The following UBE2G1 variants were observed in gnomAD, a reference collection of about 807,000 sequenced individuals.
The protein encoded by UBE2G1 is ubiquitin-conjugating enzyme E2 G1.
Under a neutral mutation model 22.7 loss-of-function variants are expected in UBE2G1, and 5 were observed. That is an observed-to-expected ratio of 0.22 (90% CI 0.12 to 0.46). UBE2G1 has a LOEUF of 0.46. Ranked by LOEUF, UBE2G1 falls within the 20% of genes least tolerant of loss-of-function variation. The pLI is 0.99. For missense variants in UBE2G1, 88 were observed against 203.9 expected, an observed-to-expected ratio of 0.43 and a Z score of 3.46; for synonymous variants, 74 against 67.5, an observed-to-expected ratio of 1.10 and a Z score of -0.47.
intron 3 of UBE2G1, among the ~76,000 whole-genome samples, chr17:4,293,216 A>G (rs1156946080): frequency 6.6e-6 from 1 of 152,214 alleles, no homozygotes; most frequent in East Asian, 1.9e-4. Flanking sequence ...TTGACATTTC[A>G]TATAAAGGGA....
intron 4 of UBE2G1, among the ~76,000 whole-genome samples, chr17:4,284,498 G>A (rs1968934944): frequency 6.6e-6 from 1 of 151,582 alleles, no homozygotes; most frequent in African/African-American, 2.4e-5. Context: ...TTACTCAGGA[G>A]GCTGAGGTGA....
At chr17:4,279,989 T>G (rs1451463763) in intron 5 of UBE2G1, among the ~76,000 whole-genome samples, 2 of 151,016 alleles carry the variant, frequency 1.3e-5, no homozygotes, top group Admixed American at 6.6e-5. Context: ...CACTGGTAAC[T>G]AGGGCAATTC....
chr17:4,347,261 G>A (rs1969788412), intron 1 of UBE2G1, among the ~76,000 whole-genome samples: 1 of 152,040 alleles, frequency 6.6e-6, no homozygotes, highest in Non-Finnish European at 1.5e-5. Context: ...CACATAATGA[G>A]ACATCCTGGA....
intron 1 of UBE2G1, among the ~76,000 whole-genome samples, chr17:4,327,867 C>A (rs1263830508): frequency 6.6e-6 from 1 of 152,158 alleles, no homozygotes; most frequent in Non-Finnish European, 1.5e-5. Context: ...ACTCAGCAGC[C>A]ACACCCGCCA....
In UBE2G1 at chr17:4,301,246, T is replaced by C. The variant is rs1003083683; in HGVS notation, c.150-4432A>G. ...TTATTCTATGATAGTCAGAATCACA[T>C]AGTCATGTGATCACTGACTTGGCTG... On this transcript the variant is annotated intron_variant, in intron 2 of 5. Coordinates refer to ENST00000396981, the MANE Select transcript of UBE2G1 (RefSeq NM_003342.5). 8 of 367,040 alleles carry C rather than the reference T, an allele frequency of 2.2e-5. No homozygotes were observed. In the Admixed American group the frequency reaches 2.6e-4, roughly 12 times the overall value. The allele number at this position is 367,040 out of a possible 1,614,324, so 22.7% of individuals were successfully genotyped here. A position where few individuals can be genotyped will look rare whatever the true frequency, so the allele number is the denominator to read the frequency against.
chr17:4,361,383 T>C (rs1969965032), intron 1 of UBE2G1, among the ~76,000 whole-genome samples: 1 of 151,626 alleles, frequency 6.6e-6, no homozygotes, highest in African/African-American at 2.4e-5. Flanking sequence ...AAAAATTAGC[T>C]GGGCATGGTG....
intron 1 of UBE2G1, among the ~76,000 whole-genome samples, chr17:4,362,272 T>C (rs1393400986): frequency 2.0e-5 from 3 of 152,178 alleles, no homozygotes; most frequent in African/African-American, 7.2e-5. Context: ...TAGGTGTCTT[T>C]ATTTGCTTAA....
At chr17:4,361,731 G>A (rs1047478612) in intron 1 of UBE2G1, among the ~76,000 whole-genome samples, 2 of 151,768 alleles carry the variant, frequency 1.3e-5, no homozygotes, top group African/African-American at 4.8e-5. Flanking sequence ...CTGAGATCAG[G>A]AGTTCAAGAC....
At chr17:4,313,584 G>T (rs1969335246) in intron 1 of UBE2G1, among the ~76,000 whole-genome samples, 1 of 151,986 alleles carries the variant, frequency 6.6e-6, no homozygotes, top group Non-Finnish European at 1.5e-5. Context: ...TCTAAAGGAG[G>T]CAAAACTAAC....
At chr17:4,316,549 A>G (rs1268457398) in intron 1 of UBE2G1, among the ~76,000 whole-genome samples, 1 of 152,156 alleles carries the variant, frequency 6.6e-6, no homozygotes, top group African/African-American at 2.4e-5. Flanking sequence ...AGCAATCACA[A>G]AGGTGTATTT....
At chr17:4,276,859 C>A (rs1046393045) in intron 5 of UBE2G1, among the ~76,000 whole-genome samples, 2 of 152,162 alleles carry the variant, frequency 1.3e-5, no homozygotes, top group African/African-American at 4.8e-5. Flanking sequence ...AGGCCTCAGT[C>A]AATACTATGT....
intron 1 of UBE2G1, among the ~76,000 whole-genome samples, chr17:4,309,350 T>C (rs1969282265): frequency 6.6e-6 from 1 of 152,244 alleles, no homozygotes; most frequent in South Asian, 2.1e-4. Context: ...CATTTTTGCA[T>C]AACAGGCAAA....
At chr17:4,305,337 T>A (rs1380871721) in intron 2 of UBE2G1, among the ~76,000 whole-genome samples, 1 of 152,240 alleles carries the variant, frequency 6.6e-6, no homozygotes, top group African/African-American at 2.4e-5. Context: ...GTACCTTCCT[T>A]TGCCTTTCTC....
At chr17:4,330,043 T>C (rs766104669) in intron 1 of UBE2G1, among the ~76,000 whole-genome samples, 4 of 152,042 alleles carry the variant, frequency 2.6e-5, no homozygotes, top group African/African-American at 4.8e-5. Context: ...CCATGAGTTA[T>C]TGCATCTACA....
intron 4 of UBE2G1, among the ~76,000 whole-genome samples, chr17:4,284,824 C>CTTTTTTTTTTTTTTTTT (rs1968940086): frequency 3.5e-5 from 3 of 85,574 alleles, no homozygotes; most frequent in Admixed American, 1.9e-4. Context: ...TTTTTCTTTT[C>CTTTTTTTTTTTTTTTTT]TTTTCTTTTC....
chr17:4,300,337 G>A (rs1033199588), intron 2 of UBE2G1, among the ~76,000 whole-genome samples: 1 of 151,830 alleles, frequency 6.6e-6, no homozygotes, highest in African/African-American at 2.4e-5. Flanking sequence ...GAGGTCAGGA[G>A]TTCGAAAACA....
rs1250759713 is a variant in UBE2G1 at position 4,296,831 on chromosome 17, A to C, written c.150-17T>G. 6.2e-7 allele frequency: 1 copy of C among 1,607,176 alleles called. No individual in the cohort carries two copies. The highest frequency in any genetic ancestry group is 8.5e-7 in the Non-Finnish European group (1 of 1,175,098). ...CCACCTTCACTGGAAAAAAGAACAAAAAGAAGTTCTTGCCTATAAGTTCCT... is the reference window on the plus strand; with the variant it reads ...CCACCTTCACTGGAAAAAAGAACAACAAGAAGTTCTTGCCTATAAGTTCCT... On this transcript the variant is annotated splice_polypyrimidine_tract_variant and intron_variant, in intron 2 of 5. Coordinates refer to ENST00000396981, the MANE Select transcript of UBE2G1 (RefSeq NM_003342.5).
At position 4,275,845 on chromosome 17, in the gene UBE2G1, G is replaced by A. The variant is rs143467477; in HGVS notation, c.*38-3329C>T. 5.1e-4 allele frequency among the ~76,000 whole-genome samples: 77 copies of A among 152,138 alleles called. No homozygotes were observed. In the East Asian group the frequency reaches 0.015, roughly 29 times the overall value. Reference sequence around the variant, plus strand: ...CAGCCACCCAGTGTACTCCTGCTCCGTCACCAATCCGCTGACTTTTTCCCC... The same window carrying A: ...CAGCCACCCAGTGTACTCCTGCTCCATCACCAATCCGCTGACTTTTTCCCC... On this transcript the variant is annotated intron_variant, in intron 5 of 5. Transcript: ENST00000396981.
rs1233939170 is a variant in UBE2G1 at position 4,316,509 on chromosome 17, CATTA to C, written c.47-9390_47-9387del. ...AAAACGTTCCCGTCCTTCAACCTTC[CATTA>C]ATTAATACTGAAAAAAGTCAAGCAT... On this transcript the variant is annotated intron_variant, in intron 1 of 5. Coordinates refer to ENST00000396981, the MANE Select transcript of UBE2G1 (RefSeq NM_003342.5). 5.9e-5 allele frequency among the ~76,000 whole-genome samples: 9 copies of C among 152,214 alleles called. No homozygotes were observed. In the South Asian group the frequency reaches 1.7e-3, roughly 28 times the overall value.
Sources: allele counts gnomAD v4.1 joint callset (sites outside exome capture counted in the v4.1 genomes callset), GRCh38; gene constraint gnomAD v4.1.1; transcripts MANE v1.5; gene names NCBI Gene and HGNC (gene_info 2026-07-23, HGNC 2026-07-21).